MICAL2: variants seen among roughly 807,000 people sequenced by gnomAD.
MICAL2 encodes microtubule associated monooxygenase, calponin and LIM domain containing 2, also known as [F-actin]-monooxygenase MICAL2.
In MICAL2, 77 loss-of-function variants were observed where a neutral mutation model predicts 127.3. That is an observed-to-expected ratio of 0.60 (90% CI 0.50 to 0.73). The LOEUF (loss-of-function observed/expected upper bound fraction) is 0.73. MICAL2 is among the 30% of genes least tolerant of loss of function. MICAL2 has a pLI of 0.00. For missense variants in MICAL2, 1,351 were observed against 1,434.4 expected, an observed-to-expected ratio of 0.94 and a Z score of 0.94; for synonymous variants, 570 against 551.1, an observed-to-expected ratio of 1.03 and a Z score of -0.48.
intron 1 of MICAL2, among the ~76,000 whole-genome samples, chr11:12,132,278 T>C (rs1416284400): frequency 6.6e-6 from 1 of 152,178 alleles, no homozygotes; most frequent in African/African-American, 2.4e-5. Flanking sequence ...GTGCAGGAAA[T>C]GCGACCCCTT....
downstream of MICAL2, among the ~76,000 whole-genome samples, chr11:12,295,230 C>T (rs1406660136): frequency 6.6e-6 from 1 of 151,504 alleles, no homozygotes; most frequent in Non-Finnish European, 1.5e-5. Context: ...ACCTCTGTCT[C>T]TCGGGTTCAA....
rs1939107119 is a variant in MICAL2 at position 12,354,825 on chromosome 11, A to G, written c.5657A>G (p.Glu1886Gly). The change falls in exon 34 of 35, where the codon GAG becomes GGG. Residue 1886 changes from glutamate to glycine, a missense_variant. Coordinates refer to the MICAL2 transcript ENST00000646065. ...TTAGAAGATCATCAAAGCAGACTGG[A>G]GCAGAAACTGAGAGAGAAAATGCTC... The G allele has an allele frequency of 3.1e-6, 5 of 1,614,084 alleles. No individual in the cohort carries two copies. The East Asian group carries it at 1.1e-4, about 36-fold the overall frequency.
downstream of MICAL2, chr11:12,294,860 A>G (rs535238175): frequency 3.2e-5 from 47 of 1,473,040 alleles, no homozygotes; most frequent in Admixed American, 1.1e-4. Flanking sequence ...AGGTGCAGGT[A>G]AGTGGCTCTG....
At chr11:12,179,716 C>T (rs7947699) in intron 3 of MICAL2, among the ~76,000 whole-genome samples, 2,992 of 152,142 alleles carry the variant, frequency 0.02, 120 homozygotes, top group African/African-American at 0.068. Flanking sequence ...TCTAATTCTG[C>T]GTCCTGCTCT....
chr11:12,170,430 A>G (rs1856100219), intron 3 of MICAL2, among the ~76,000 whole-genome samples: 1 of 152,188 alleles, frequency 6.6e-6, no homozygotes, highest in Non-Finnish European at 1.5e-5. Context: ...AGCCTGGGTG[A>G]AGAGCAAGAC....
chr11:12,306,710 C>T (rs1400863680), intron 29 of MICAL2, among the ~76,000 whole-genome samples: 2 of 152,170 alleles, frequency 1.3e-5, no homozygotes, highest in African/African-American at 2.4e-5. Context: ...TGGAATCATA[C>T]AGCATGTTGT....
Position 12,260,561 on chromosome 11 carries a change from G to A in MICAL2, c.3334+664G>A, listed in dbSNP as rs1427537588. 1.4e-5 allele frequency: 14 copies of A among 1,000,274 alleles called. No homozygotes were observed. In the African/African-American group the frequency reaches 1.7e-4, roughly 12 times the overall value. The allele number at this position is 1,000,274 out of a possible 1,614,324, so 62.0% of individuals were successfully genotyped here. A position where few individuals can be genotyped will look rare whatever the true frequency, so the allele number is the denominator to read the frequency against. ...CAGTGAGTTATCAAAGCCACTGCCT[G>A]CAAAGTGGATGATTTAAGATTTTAC... is the stretch of plus-strand genomic sequence containing the variant. On this transcript the variant is annotated intron_variant, in intron 26 of 27. Transcript: ENST00000683283.
intron 3 of MICAL2, among the ~76,000 whole-genome samples, chr11:12,181,984 C>T (rs2133954596): frequency 6.6e-6 from 1 of 152,340 alleles, no homozygotes; most frequent in East Asian, 1.9e-4. Flanking sequence ...GTGACTTCAT[C>T]ACTAATAGAA....
At chr11:12,241,265 T>G in intron 18 of MICAL2, 103 bp downstream of exon 18, 1 of 1,443,372 alleles carries the variant, frequency 6.9e-7, no homozygotes, top group Non-Finnish European at 9.3e-7. Context: ...TAGGGCTGAT[T>G]GTAGATTTTC....
At chr11:12,231,439 C>T (rs993508483) in intron 15 of MICAL2, among the ~76,000 whole-genome samples, 1 of 152,162 alleles carries the variant, frequency 6.6e-6, no homozygotes, top group Non-Finnish European at 1.5e-5. Context: ...GTCCAGGTCC[C>T]CCTCCCCAAC....
intron 21 of MICAL2, among the ~76,000 whole-genome samples, chr11:12,248,488 C>G (rs187978359): frequency 6.6e-6 from 1 of 152,306 alleles, no homozygotes; most frequent in East Asian, 1.9e-4. Context: ...TTTGCCATGC[C>G]GTTGAGCTCT....
At chr11:12,308,302 T>C (rs1019616535) in intron 29 of MICAL2, 3 of 152,208 alleles carry the variant, frequency 2.0e-5, no homozygotes, top group Non-Finnish European at 4.4e-5. Flanking sequence ...AATTAGCTTA[T>C]CAGTTTCTAC....
intron 4 of MICAL2, among the ~76,000 whole-genome samples, chr11:12,205,920 C>G (rs1236376873): frequency 6.6e-6 from 1 of 152,036 alleles, no homozygotes; most frequent in African/African-American, 2.4e-5. Context: ...CTTATGAGGA[C>G]AAGAATTGAT....
At position 12,213,509 on chromosome 11, in the gene MICAL2, C is replaced by T. The variant is rs185497520; in HGVS notation, c.847+99C>T. On this transcript the variant is annotated intron_variant, in intron 7 of 27. Coordinates refer to ENST00000683283, the MANE Select transcript of MICAL2 (RefSeq NM_001282663.2). ...GCTGGCTTTCTGGGCTCTTGGGCCT[C>T]GAGGGACTCACTCTGATAGAGTGGA... 5.4e-4 allele frequency: 656 copies of T among 1,219,856 alleles called. 6 individuals are homozygous for T. The African/African-American group carries it at 9.1e-3, about 17-fold the overall frequency. The allele number at this position is 1,219,856 out of a possible 1,614,324, so 75.6% of individuals were successfully genotyped here. A position where few individuals can be genotyped will look rare whatever the true frequency, so the allele number is the denominator to read the frequency against.
At chr11:12,308,419 TTAAG>T (rs1240699212) in intron 29 of MICAL2, among the ~76,000 whole-genome samples, 6 of 152,236 alleles carry the variant, frequency 3.9e-5, no homozygotes, top group African/African-American at 1.4e-4. Context: ...CTCAATTTAT[TTAAG>T]TTTCTTTCAC....
At chr11:12,205,469 G>A (rs111370799) in intron 4 of MICAL2, among the ~76,000 whole-genome samples, 10 of 152,274 alleles carry the variant, frequency 6.6e-5, no homozygotes, top group African/African-American at 2.4e-4. Context: ...CAGGACTTAA[G>A]TATGCATGGA....
At chr11:12,155,393 A>C (rs938887020) in intron 2 of MICAL2, among the ~76,000 whole-genome samples, 1 of 152,192 alleles carries the variant, frequency 6.6e-6, no homozygotes, top group Non-Finnish European at 1.5e-5. Context: ...ATGAATACAC[A>C]TACATATGTG....
At chr11:12,285,119 G>A (rs1863811001) in intron 2 of MICAL2, among the ~76,000 whole-genome samples, 1 of 152,130 alleles carries the variant, frequency 6.6e-6, no homozygotes. Flanking sequence ...AGTGCTGATT[G>A]GTCAGGTCAG....
intron 16 of MICAL2, 111 bp from the exon 17 acceptor site, chr11:12,239,325 G>A: frequency 6.9e-7 from 1 of 1,455,026 alleles, no homozygotes; most frequent in Non-Finnish European, 9.6e-7. Flanking sequence ...CTCAGACCAT[G>A]GAGGGAGCCC....
Sources: gnomAD v4.1 joint callset for allele counts (sites outside exome capture counted in the v4.1 genomes callset) on GRCh38, gnomAD v4.1.1 for gene constraint, MANE v1.5 for transcripts, NCBI Gene and HGNC (gene_info 2026-07-23, HGNC 2026-07-21) for gene names.